The following NSD1 variants were observed in gnomAD, a reference collection of about 807,000 sequenced individuals.
NSD1 encodes the protein nuclear receptor binding SET domain protein 1.
Under a neutral mutation model 242.7 loss-of-function variants are expected in NSD1, and 26 were observed. The observed-to-expected ratio is 0.11, with a 90% CI of 0.08 to 0.15. The LOEUF (loss-of-function observed/expected upper bound fraction) is 0.15. Ranked by LOEUF, NSD1 falls within the 10% of genes least tolerant of loss-of-function variation. The probability of loss-of-function intolerance (pLI) is 1.00; values close to 1 mark genes in which losing one functional copy is unlikely to be tolerated. For synonymous variants in NSD1, 1,106 were observed against 1,178.1 expected (o/e 0.94, Z 1.25); for missense variants, 2,495 against 3,272.8 (o/e 0.76, Z 5.80).
At chr5:177,183,683 G>T (rs1278233929) in intron 2 of NSD1, among the ~76,000 whole-genome samples, 3 of 151,918 alleles carry the variant, frequency 2.0e-5, no homozygotes, top group Admixed American at 6.6e-5. Flanking sequence ...TCAACCTGTT[G>T]TGCTATCAAA....
chr5:177,276,087 G>C (rs1422430606), intron 17 of NSD1, among the ~76,000 whole-genome samples: 1 of 151,810 alleles, frequency 6.6e-6, no homozygotes, highest in Non-Finnish European at 1.5e-5. Context: ...AGCCACCAAC[G>C]CCTGGCTAAT....
At chr5:177,273,840 T>C in intron 17 of NSD1, 56 bp downstream of exon 17, 1 of 1,135,810 alleles carries the variant, frequency 8.8e-7, no homozygotes, top group Non-Finnish European at 1.3e-6. Flanking sequence ...TAGCTGGCTC[T>C]TCCCACTCTG....
chr5:177,161,141 T>C (rs755222623), intron 2 of NSD1, among the ~76,000 whole-genome samples: 5 of 152,068 alleles, frequency 3.3e-5, no homozygotes, highest in Non-Finnish European at 5.9e-5. Context: ...CGCAGCACTT[T>C]AGGAGACTGA....
At chr5:177,249,485 G>A (rs899640912) in intron 11 of NSD1, among the ~76,000 whole-genome samples, 1 of 149,802 alleles carries the variant, frequency 6.7e-6, no homozygotes. Flanking sequence ...ATTTATTTTT[G>A]AGACGAAGTC....
In NSD1 at chr5:177,236,715, A is replaced by C. The variant is rs541887815; in HGVS notation, c.3921+770A>C. Among the ~76,000 whole-genome samples, 43 of 152,358 alleles carry C rather than the reference A, an allele frequency of 2.8e-4. No homozygotes were observed. In the South Asian group the frequency reaches 8.9e-3, roughly 32 times the overall value. On this transcript the variant is annotated intron_variant, in intron 6 of 22. Transcript: ENST00000439151. Reference sequence around the variant, plus strand: ...CTCTGTCAAATGGAAGATAGAACCTATCAGTTTGATAGATTGAAAGTTGAA... The same window carrying C: ...CTCTGTCAAATGGAAGATAGAACCTCTCAGTTTGATAGATTGAAAGTTGAA...
chr5:177,285,425 G>A (rs1333766398), intron 20 of NSD1, among the ~76,000 whole-genome samples: 1 of 151,846 alleles, frequency 6.6e-6, no homozygotes, highest in African/African-American at 2.4e-5. Flanking sequence ...TTAGCCGGAC[G>A]TGGTGGCAGG....
intron 17 of NSD1, among the ~76,000 whole-genome samples, chr5:177,274,922 C>CG (rs1243591383): frequency 6.6e-6 from 1 of 151,690 alleles, no homozygotes; most frequent in East Asian, 1.9e-4. Flanking sequence ...TTAGTAGAGA[C>CG]GGGGTTTCGC....
chr5:177,206,577 A>G (rs543154977), intron 4 of NSD1, among the ~76,000 whole-genome samples: 25 of 152,344 alleles, frequency 1.6e-4, no homozygotes, highest in African/African-American at 5.8e-4. Context: ...ACCCTATAGA[A>G]CTGTTGTAAA....
chr5:177,160,179 C>T (rs963765170), intron 2 of NSD1, among the ~76,000 whole-genome samples: 2 of 152,194 alleles, frequency 1.3e-5, no homozygotes, highest in African/African-American at 2.4e-5. Flanking sequence ...GCATGAGCTA[C>T]TGTACCCGGC....
At chr5:177,188,559 GTTTT>G (rs1761419196) in intron 2 of NSD1, among the ~76,000 whole-genome samples, 1 of 152,054 alleles carries the variant, frequency 6.6e-6, no homozygotes, top group African/African-American at 2.4e-5. Context: ...TTATTTAAAA[GTTTT>G]TTTAAGGTCA....
Position 177,135,438 on chromosome 5 carries a change from T to C in NSD1, c.335T>C (p.Val112Ala). The C allele has an allele frequency of 6.2e-7, 1 of 1,614,170 alleles. No individual in the cohort carries two copies. The highest frequency in any genetic ancestry group is 8.5e-7 in the Non-Finnish European group (1 of 1,180,014). ...GATTCAAGAGCTCAGACGCCAATTG[T>C]TTGCACTTCCTTGAGTCCTGGTGGT... ...KSDSRAQTPI[V>A]CTSLSPGGPT... The change falls in exon 2 of 23, where the codon GTT becomes GCT. Residue 112 changes from valine to alanine, a missense_variant. Around this residue, in one of 19 missense-constraint regions of NSD1, gnomAD observed 376 missense variants for 367.4 expected, o/e 1.02. Transcript: ENST00000439151.
chr5:177,202,623 C>T (rs1448767556), intron 3 of NSD1, among the ~76,000 whole-genome samples: 11 of 152,114 alleles, frequency 7.2e-5, no homozygotes. Context: ...AAGCAGTCCT[C>T]CCACTTCTGC....
chr5:177,300,168 T>A lies in NSD1; in HGVS notation c.*4709T>A. 1 of 225,104 alleles carries A rather than the reference T, an allele frequency of 4.4e-6. No homozygotes were observed. Among genetic ancestry groups the A allele is most frequent in the Non-Finnish European group, 8.8e-6 (1 of 113,162 alleles). 13.9% of individuals were successfully genotyped at this position (225,104 alleles called of 1,614,324 possible). On this transcript the variant is annotated 3_prime_UTR_variant, in exon 23 of 23. Coordinates refer to ENST00000439151, the MANE Select transcript of NSD1 (RefSeq NM_022455.5). ...TAAACATGTACTGTAATTCTTTGTA[T>A]ATAGAAAAAAAATTTACTGTAAAGT...
At chr5:177,155,617 G>T (rs929478482) in intron 2 of NSD1, among the ~76,000 whole-genome samples, 102 of 144,110 alleles carry the variant, frequency 7.1e-4, no homozygotes, top group African/African-American at 2.5e-3. Context: ...TGAATGTATA[G>T]ATATTTCCTG....
intron 6 of NSD1, among the ~76,000 whole-genome samples, chr5:177,236,733 A>G (rs193213888): frequency 2.6e-3 from 403 of 152,326 alleles, no homozygotes; most frequent in Non-Finnish European, 4.1e-3. Flanking sequence ...GATAGATTGA[A>G]AGTTGAACAT....
intron 17 of NSD1, 135 bp downstream of exon 17, chr5:177,273,919 G>A (rs1581508227): frequency 1.5e-6 from 1 of 655,834 alleles, no homozygotes; most frequent in East Asian, 3.0e-5. Flanking sequence ...AAGAAGATCA[G>A]AAATAGCCGG....
intron 10 of NSD1, 44 bp downstream of exon 10, chr5:177,246,840 A>G (rs1419533333): frequency 3.6e-6 from 5 of 1,388,146 alleles, no homozygotes; most frequent in Non-Finnish European, 4.1e-6. Flanking sequence ...AAGAGAAGCT[A>G]CTTTTCACGC....
At chr5:177,146,204 CG>C (rs1386570516) in intron 2 of NSD1, among the ~76,000 whole-genome samples, 7 of 136,524 alleles carry the variant, frequency 5.1e-5, no homozygotes, top group African/African-American at 1.1e-4. Context: ...CTTCACCAAT[CG>C]TTTTTTTTTT....
At chr5:177,158,998 T>TTTTATATATATATA (rs1758458687) in intron 2 of NSD1, among the ~76,000 whole-genome samples, 1 of 122,612 alleles carries the variant, frequency 8.2e-6, no homozygotes, top group African/African-American at 3.8e-5. Flanking sequence ...ATGAATGATT[T>TTTTATATATATATA]TATATATATA....
Sources: gnomAD v4.1 joint callset for allele counts (sites outside exome capture counted in the v4.1 genomes callset) on GRCh38, gnomAD v4.1.1 for gene constraint, gnomAD v4.1.1 regional missense constraint, MANE v1.5 for transcripts, NCBI Gene and HGNC (gene_info 2026-07-23, HGNC 2026-07-21) for gene names.